The following COPG2 variants were observed in gnomAD, a reference collection of about 807,000 sequenced individuals.
COPG2 encodes the protein coat protein complex I subunit gamma 2, also known as coatomer subunit gamma-2.
In COPG2, 37 loss-of-function variants were observed where a neutral mutation model predicts 46.3. The observed-to-expected ratio is 0.80, with a 90% CI of 0.61 to 1.05. The LOEUF is 1.05. Among genes scored for constraint, COPG2 ranks in the 50% least tolerant of loss-of-function variants. The probability of loss-of-function intolerance (pLI) is 0.00; values close to 1 mark genes in which losing one functional copy is unlikely to be tolerated. For missense variants in COPG2, 427 were observed against 387.8 expected, an observed-to-expected ratio of 1.10 and a Z score of -0.85; for synonymous variants, 159 against 129.7, an observed-to-expected ratio of 1.23 and a Z score of -1.53.
chr7:130,511,166 GGT>G (rs1799589141), intron 20 of COPG2, among the ~76,000 whole-genome samples: 2 of 152,206 alleles, frequency 1.3e-5, no homozygotes, highest in Admixed American at 1.3e-4. Context: ...GAGTGGGAAA[GGT>G]GGGAGGGAGC....
chr7:130,510,845 G>T, intron 20 of COPG2: 2 of 502,354 alleles, frequency 4.0e-6, no homozygotes, highest in Non-Finnish European at 8.0e-6. Context: ...GAGGAGGCAA[G>T]ATGCGGGGGC....
At chr7:130,632,523 AT>A (rs1175400868) in intron 5 of COPG2, among the ~76,000 whole-genome samples, 3 of 150,936 alleles carry the variant, frequency 2.0e-5, no homozygotes, top group Non-Finnish European at 3.0e-5. Flanking sequence ...ATTTTCTCAA[AT>A]TTTTTTTTCG....
intron 5 of COPG2, among the ~76,000 whole-genome samples, chr7:130,646,375 T>G (rs1795594803): frequency 6.6e-6 from 1 of 152,206 alleles, no homozygotes; most frequent in Non-Finnish European, 1.5e-5. Context: ...ACTATTGCCA[T>G]GCTTTTTTGT....
chr7:130,545,210 T>C (rs1161491237), intron 20 of COPG2, among the ~76,000 whole-genome samples: 1 of 137,698 alleles, frequency 7.3e-6, no homozygotes, highest in Non-Finnish European at 1.6e-5. Context: ...CATTTCATCC[T>C]ATAACAGTCC....
intron 9 of COPG2, among the ~76,000 whole-genome samples, chr7:130,570,157 C>A (rs1043205979): frequency 4.3e-4 from 65 of 152,068 alleles, no homozygotes; most frequent in Non-Finnish European, 8.7e-4. Context: ...ACAAGGATGC[C>A]CACTTTCATC....
chr7:130,583,134 T>C (rs1794187166), intron 9 of COPG2, among the ~76,000 whole-genome samples: 1 of 151,448 alleles, frequency 6.6e-6, no homozygotes, highest in South Asian at 2.1e-4. Flanking sequence ...TAAGAAAATG[T>C]GGCCCATATA....
chr7:130,541,142 C>G (rs1584967537), intron 20 of COPG2, among the ~76,000 whole-genome samples: 1 of 151,936 alleles, frequency 6.6e-6, no homozygotes, highest in African/African-American at 2.4e-5. Context: ...ACACAGTTCC[C>G]GACAGATCAG....
rs781947656 is a variant in COPG2, at chr7:130,668,671, T to C, written c.-3A>G. ...TTCTTGTCGAATTTTTTAATCATCT[T>C]GGACGACTTCCCAGCGCCCAGACCC... On this transcript the variant is annotated 5_prime_UTR_variant, in exon 1 of 24. Coordinates refer to ENST00000425248, the MANE Select transcript of COPG2 (RefSeq NM_012133.6). 1 of 1,540,856 alleles carries C rather than the reference T, an allele frequency of 6.5e-7. No homozygotes were observed. The highest frequency in any genetic ancestry group is 2.0e-5 in the Admixed American group (1 of 51,182).
intron 20 of COPG2, among the ~76,000 whole-genome samples, chr7:130,512,052 TAAAAAAA>T (rs1182017221): frequency 3.0e-5 from 3 of 99,150 alleles, no homozygotes; most frequent in African/African-American, 9.3e-5. Flanking sequence ...CTGTGTCTTC[TAAAAAAA>T]AAAAAAAAAA....
At chr7:130,595,415 A>G (rs1794509335) in intron 9 of COPG2, among the ~76,000 whole-genome samples, 1 of 152,234 alleles carries the variant, frequency 6.6e-6, no homozygotes, top group Non-Finnish European at 1.5e-5. Context: ...GAGGTGATGC[A>G]AATGGTCTGG....
In COPG2 at chr7:130,640,020, C is replaced by A. The variant is rs180804488; in HGVS notation, c.323+12849G>T. 1.3e-4 allele frequency among the ~76,000 whole-genome samples: 20 copies of A among 152,224 alleles called. No individual in the cohort carries two copies. In the East Asian group the frequency reaches 3.5e-3, roughly 26 times the overall value. On this transcript the variant is annotated intron_variant, in intron 5 of 23. Coordinates refer to ENST00000425248, the MANE Select transcript of COPG2 (RefSeq NM_012133.6). Reference sequence around the variant, plus strand: ...TTCTTCCGAGGGTTTTAAGTGCTCACAACATTGCTGTCGTATCCTAGTAAA... The same window carrying A: ...TTCTTCCGAGGGTTTTAAGTGCTCAAAACATTGCTGTCGTATCCTAGTAAA...
intron 9 of COPG2, among the ~76,000 whole-genome samples, chr7:130,579,567 A>G (rs1415314344): frequency 2.0e-4 from 30 of 152,312 alleles, no homozygotes; most frequent in Admixed American, 1.4e-3. Context: ...TTGGATAAAG[A>G]GTCACGACCC....
chr7:130,595,218 G>A (rs1554449555), intron 9 of COPG2, among the ~76,000 whole-genome samples: 1 of 151,994 alleles, frequency 6.6e-6, no homozygotes, highest in South Asian at 2.1e-4. Flanking sequence ...CAATATAAAC[G>A]AATCTTGAAA....
intron 5 of COPG2, among the ~76,000 whole-genome samples, chr7:130,627,757 T>C (rs965613144): frequency 8.0e-6 from 1 of 124,422 alleles, no homozygotes; most frequent in South Asian, 3.2e-4. Flanking sequence ...CCCCAAAGAC[T>C]TTGGGGATGC....
chr7:130,583,805 C>CAAA (rs1168370976), intron 9 of COPG2, among the ~76,000 whole-genome samples: 3 of 12,356 alleles, frequency 2.4e-4, no homozygotes, highest in Admixed American at 1.5e-3. Context: ...GACTCCATCT[C>CAAA]AAAAAAAAAA....
chr7:130,648,635 T>A (rs1324378475), intron 5 of COPG2, among the ~76,000 whole-genome samples: 2 of 152,176 alleles, frequency 1.3e-5, no homozygotes, highest in East Asian at 3.9e-4. Context: ...GATATTCCCA[T>A]TCAAAATGAA....
chr7:130,521,256 G>A (rs1799720738), intron 20 of COPG2, among the ~76,000 whole-genome samples: 1 of 152,224 alleles, frequency 6.6e-6, no homozygotes, highest in South Asian at 2.1e-4. Context: ...GAGAGACAGT[G>A]TCCAGGAAAG....
chr7:130,571,987 C>G (rs969098444), intron 9 of COPG2, among the ~76,000 whole-genome samples: 5 of 152,070 alleles, frequency 3.3e-5, no homozygotes, highest in Middle Eastern at 3.4e-3. Context: ...TGAAGTAACT[C>G]AGGAAAGGAA....
intron 10 of COPG2, 32 bp downstream of exon 10, chr7:130,564,228 C>A: frequency 2.5e-6 from 1 of 398,506 alleles, no homozygotes; most frequent in Non-Finnish European, 4.4e-6. Context: ...AACTTAGGAA[C>A]ATAAAAGCCA....
Sources: allele counts gnomAD v4.1 joint callset (sites outside exome capture counted in the v4.1 genomes callset), GRCh38; gene constraint gnomAD v4.1.1; transcripts MANE v1.5; gene names NCBI Gene and HGNC (gene_info 2026-07-23, HGNC 2026-07-21).